CATSPERB: variants seen among roughly 807,000 people sequenced by gnomAD.
CATSPERB encodes catsper channel auxiliary subunit beta.
CATSPERB carries 93 observed loss-of-function variants against 128.3 expected under a neutral mutation model. The ratio of observed to expected loss-of-function variants is 0.72; its 90% CI spans 0.61 to 0.86. The LOEUF is 0.86. Ranked by LOEUF, CATSPERB falls within the 40% of genes least tolerant of loss-of-function variation. The pLI is 0.00. For missense variants in CATSPERB, 1,153 were observed against 1,329.5 expected (o/e 0.87, Z 2.06); for synonymous variants, 381 against 448.8 (o/e 0.85, Z 1.91).
chr14:91,613,893 C>T (rs192061098), intron 20 of CATSPERB, among the ~76,000 whole-genome samples: 1 of 152,294 alleles, frequency 6.6e-6, no homozygotes, highest in Admixed American at 6.5e-5. Flanking sequence ...GCAACCACAG[C>T]GCATGCACCC....
chr14:91,622,847 G>A (rs1460048806), intron 18 of CATSPERB, among the ~76,000 whole-genome samples: 2 of 148,454 alleles, frequency 1.3e-5, no homozygotes, highest in African/African-American at 5.0e-5. Flanking sequence ...TCAGACTTTT[G>A]TCTACATGAC....
In CATSPERB at chr14:91,610,513, G is replaced by A. The variant is rs1251373396; in HGVS notation, c.2565C>T (p.Asp855=). The A allele has an allele frequency of 1.2e-6, 2 of 1,613,704 alleles. No individual in the cohort carries two copies. The highest frequency in any genetic ancestry group is 1.7e-6 in the Non-Finnish European group (2 of 1,179,962). Residue 855 remains aspartate (D), a synonymous_variant, in exon 21 of 27, where the codon GAC becomes GAT. Coordinates refer to ENST00000256343, the MANE Select transcript of CATSPERB (RefSeq NM_024764.4). Reference sequence around the variant, plus strand: ...TTTTGATGAGGTTAAAACCCTGACTGTCTTTATGAACTCCACTAATCCAGT... The same window carrying A: ...TTTTGATGAGGTTAAAACCCTGACTATCTTTATGAACTCCACTAATCCAGT... ...FEDWISGVHK[D]SQGFNLIKTL...
At chr14:91,706,100 C>T (rs1042545402) in intron 6 of CATSPERB, among the ~76,000 whole-genome samples, 16 of 152,314 alleles carry the variant, frequency 1.1e-4, no homozygotes, top group Admixed American at 6.5e-4. Context: ...TCTCCTCTGT[C>T]TCCCCAACTT....
chr14:91,692,194 AAAG>A (rs1279962002), intron 9 of CATSPERB, among the ~76,000 whole-genome samples: 5,555 of 149,414 alleles, frequency 0.037, 125 homozygotes, highest in East Asian at 0.11. Context: ...AAAAAAAAAA[AAAG>A]AAGAAGTGTG....
At chr14:91,628,446 G>A (rs1296443439) in intron 17 of CATSPERB, among the ~76,000 whole-genome samples, 1 of 152,162 alleles carries the variant, frequency 6.6e-6, no homozygotes, top group Non-Finnish European at 1.5e-5. Context: ...ATACTGATAT[G>A]GTTTGGCTCA....
chr14:91,723,296 A>C (rs114615317), intron 3 of CATSPERB, 107 bp from the exon 4 acceptor site: 37 of 722,494 alleles, frequency 5.1e-5, no homozygotes, highest in African/African-American at 3.8e-4. Flanking sequence ...GTTAGGAAAA[A>C]ATATATATAT....
At chr14:91,693,566 C>T in intron 7 of CATSPERB, 87 bp from the exon 8 acceptor site, 1 of 863,484 alleles carries the variant, frequency 1.2e-6, no homozygotes, top group Non-Finnish European at 1.9e-6. Context: ...TCCGTTCCAA[C>T]TCCCTCTCAG....
chr14:91,672,805 G>C (rs1895121156), intron 13 of CATSPERB, 62 bp downstream of exon 13: 1 of 1,308,538 alleles, frequency 7.6e-7, no homozygotes, highest in East Asian at 2.7e-5. Flanking sequence ...AATAACTTTT[G>C]CTAAGGTAAA....
At chr14:91,653,119 A>C (rs759530458) in intron 15 of CATSPERB, among the ~76,000 whole-genome samples, 2 of 152,228 alleles carry the variant, frequency 1.3e-5, no homozygotes, top group Non-Finnish European at 2.9e-5. Context: ...AAGTTATATC[A>C]GAAACTTCGT....
chr14:91,652,752 G>C (rs542062229), intron 15 of CATSPERB, among the ~76,000 whole-genome samples: 5 of 148,214 alleles, frequency 3.4e-5, no homozygotes, highest in Non-Finnish European at 5.9e-5. Context: ...TACTGGAAAC[G>C]TTCAACATTG....
chr14:91,727,155 T>A (rs1414721415), intron 2 of CATSPERB, among the ~76,000 whole-genome samples: 1 of 152,210 alleles, frequency 6.6e-6, no homozygotes, highest in Admixed American at 6.5e-5. Flanking sequence ...TCAAGGGGAA[T>A]ATGTGCAGGT....
intron 10 of CATSPERB, among the ~76,000 whole-genome samples, chr14:91,684,150 G>A (rs1246477422): frequency 3.3e-5 from 5 of 152,188 alleles, no homozygotes; most frequent in Non-Finnish European, 5.9e-5. Flanking sequence ...AAGGCATAAA[G>A]AGAAAAGAAA....
rs112740456 is a variant in CATSPERB at position 91,699,575 on chromosome 14, CT to C, written c.616+4976del. On this transcript the variant is annotated intron_variant, in intron 7 of 26. Transcript: ENST00000256343. ...AGCCTACTTGATCATGATGAATTAA[CT>C]TTTTTTTTTTTTTTTAGATGGAGTT... 8.9e-3 allele frequency among the ~76,000 whole-genome samples: 1,252 copies of C among 140,044 alleles called. 10 individuals are homozygous for C. Among genetic ancestry groups the C allele is most frequent in the African/African-American group, 0.018 (698 of 38,326 alleles). 91.9% of individuals were successfully genotyped at this position (140,044 alleles called of 152,430 possible). A position where few individuals can be genotyped will look rare whatever the true frequency, so the allele number is the denominator to read the frequency against.
chr14:91,685,299 A>G (rs749307965), intron 10 of CATSPERB, among the ~76,000 whole-genome samples: 7 of 152,182 alleles, frequency 4.6e-5, no homozygotes, highest in Non-Finnish European at 1.0e-4. Context: ...AATGTTACTT[A>G]ATCACCTCAT....
At chr14:91,667,585 A>G (rs772836572) in intron 14 of CATSPERB, among the ~76,000 whole-genome samples, 4 of 152,080 alleles carry the variant, frequency 2.6e-5, no homozygotes, top group Admixed American at 6.5e-5. Flanking sequence ...AGTCTGCAAG[A>G]AATAATGAAA....
At chr14:91,623,462 C>G (rs1894093775) in intron 18 of CATSPERB, among the ~76,000 whole-genome samples, 1 of 152,190 alleles carries the variant, frequency 6.6e-6, no homozygotes, top group Admixed American at 6.5e-5. Flanking sequence ...TCCAGGTGTT[C>G]TCATTTGGTC....
chr14:91,699,642 C>T (rs1025485268), intron 7 of CATSPERB, among the ~76,000 whole-genome samples: 6 of 150,874 alleles, frequency 4.0e-5, no homozygotes, highest in East Asian at 2.0e-4. Flanking sequence ...GGCGCGGTCT[C>T]GGCTCACTGC....
intron 6 of CATSPERB, among the ~76,000 whole-genome samples, chr14:91,705,492 C>CAGA (rs1455898087): frequency 2.6e-5 from 4 of 152,194 alleles, no homozygotes; most frequent in Non-Finnish European, 5.9e-5. Context: ...GCAGCACAGG[C>CAGA]AGAATAGCAG....
intron 22 of CATSPERB, among the ~76,000 whole-genome samples, chr14:91,595,984 A>T (rs1893499287): frequency 6.6e-6 from 1 of 152,202 alleles, no homozygotes; most frequent in Non-Finnish European, 1.5e-5. Flanking sequence ...AAAACAAAAC[A>T]AAGTATCAGC....
Sources: gnomAD v4.1 joint callset for allele counts (sites outside exome capture counted in the v4.1 genomes callset) on GRCh38, gnomAD v4.1.1 for gene constraint, MANE v1.5 for transcripts, NCBI Gene and HGNC (gene_info 2026-07-23, HGNC 2026-07-21) for gene names.